Variants in RNLS observed in about 807,000 individuals in gnomAD.
RNLS encodes renalase, FAD dependent amine oxidase.
Under a neutral mutation model 39.8 loss-of-function variants are expected in RNLS, and 39 were observed. That is an observed-to-expected ratio of 0.98 (90% CI 0.76 to 1.28). The LOEUF is 1.28. Among genes scored for constraint, RNLS ranks in the 50% most tolerant of loss-of-function variants. The pLI is 0.00. For synonymous variants in RNLS, 147 were observed against 150.7 expected, an observed-to-expected ratio of 0.98 and a Z score of 0.18; for missense variants, 410 against 413.3, an observed-to-expected ratio of 0.99 and a Z score of 0.07.
chr10:88,396,887 G>T (rs1852596012), intron 4 of RNLS, among the ~76,000 whole-genome samples: 1 of 151,680 alleles, frequency 6.6e-6, no homozygotes, highest in Non-Finnish European at 1.5e-5. Context: ...CTAGAGACAA[G>T]ATTATTTTAT....
At chr10:88,274,962 C>A in exon 7 of RNLS, 1 of 1,611,816 alleles carries the variant, frequency 6.2e-7, no homozygotes, top group South Asian at 1.1e-5. Context: ...TCCAGGAAGT[C>A]AGATGGGAAA....
At chr10:88,256,083 T>G in the RNLS span, among the ~76,000 whole-genome samples, 1 of 152,202 alleles carries the variant, frequency 6.6e-6, no homozygotes, top group South Asian at 2.1e-4. Flanking sequence ...GGAATATTTT[T>G]AAATTCCAGG....
intron 4 of RNLS, among the ~76,000 whole-genome samples, chr10:88,568,318 T>C (rs1408315267): frequency 6.6e-6 from 1 of 151,642 alleles, no homozygotes; most frequent in East Asian, 1.9e-4. Flanking sequence ...GGGATGGGGA[T>C]GGAGGGATGG....
intron 4 of RNLS, among the ~76,000 whole-genome samples, chr10:88,435,072 T>G (rs1855385524): frequency 6.6e-6 from 1 of 151,952 alleles, no homozygotes; most frequent in Non-Finnish European, 1.5e-5. Context: ...AAATGTGCTG[T>G]GTACTTAGTG....
the RNLS span, among the ~76,000 whole-genome samples, chr10:88,192,337 C>A: frequency 6.6e-6 from 1 of 152,130 alleles, no homozygotes; most frequent in East Asian, 1.9e-4. Context: ...GCACCTGGCA[C>A]ATGGGAAGTG....
intron 4 of RNLS, among the ~76,000 whole-genome samples, chr10:88,442,298 T>A (rs1841758655): frequency 6.6e-6 from 1 of 152,202 alleles, no homozygotes; most frequent in Non-Finnish European, 1.5e-5. Context: ...ATACCAAAAC[T>A]TCATTCACTT....
At chr10:88,368,482 TAA>T (rs1850290518) in intron 4 of RNLS, among the ~76,000 whole-genome samples, 1 of 152,104 alleles carries the variant, frequency 6.6e-6, no homozygotes, top group African/African-American at 2.4e-5. Context: ...AGGGAAAATG[TAA>T]AAATATCACC....
intron 6 of RNLS, among the ~76,000 whole-genome samples, chr10:88,311,244 C>T (rs1845358995): frequency 6.6e-6 from 1 of 152,122 alleles, no homozygotes; most frequent in South Asian, 2.1e-4. Context: ...AAATAATGGT[C>T]AGAGTATTAC....
intron 4 of RNLS, among the ~76,000 whole-genome samples, chr10:88,409,806 A>G (rs948857805): frequency 6.6e-5 from 10 of 152,160 alleles, no homozygotes; most frequent in Middle Eastern, 3.2e-3. Context: ...TTTTTAAGAG[A>G]AATTGCCTTT....
At chr10:88,506,338 A>G (rs1845790972) in intron 4 of RNLS, among the ~76,000 whole-genome samples, 1 of 152,100 alleles carries the variant, frequency 6.6e-6, no homozygotes, top group Non-Finnish European at 1.5e-5. Context: ...GGCAACTGAG[A>G]AAACTGAAAT....
At chr10:88,177,160 A>C in the RNLS span, among the ~76,000 whole-genome samples, 1 of 152,094 alleles carries the variant, frequency 6.6e-6, no homozygotes, top group African/African-American at 2.4e-5. Flanking sequence ...CTATTATTTT[A>C]TTAGTTATTT....
At chr10:88,494,988 T>C (rs2134081013) in intron 4 of RNLS, among the ~76,000 whole-genome samples, 1 of 152,274 alleles carries the variant, frequency 6.6e-6, no homozygotes, top group Non-Finnish European at 1.5e-5. Context: ...CCCAAATTTT[T>C]ACAGGTTTGA....
chr10:88,416,938 A>T (rs939335324), intron 4 of RNLS, among the ~76,000 whole-genome samples: 14 of 152,222 alleles, frequency 9.2e-5, no homozygotes, highest in Admixed American at 7.2e-4. Flanking sequence ...ATCAAATCTT[A>T]AAAAAGTTTA....
the RNLS span, among the ~76,000 whole-genome samples, chr10:88,240,327 G>C: frequency 6.6e-6 from 1 of 152,000 alleles, no homozygotes. Flanking sequence ...CGCAGTACTA[G>C]CTTGGGCTTT....
At chr10:88,511,093 G>A (rs1011755173) in intron 4 of RNLS, among the ~76,000 whole-genome samples, 7 of 151,158 alleles carry the variant, frequency 4.6e-5, no homozygotes, top group Admixed American at 3.3e-4. Context: ...GGATTAAGAC[G>A]AGGGAGAAAT....
chr10:88,419,674 C>T (rs1489108598), intron 4 of RNLS, among the ~76,000 whole-genome samples: 1 of 152,054 alleles, frequency 6.6e-6, no homozygotes, highest in Non-Finnish European at 1.5e-5. Flanking sequence ...GTGCTTTCTT[C>T]CTCATGATTC....
intron 4 of RNLS, among the ~76,000 whole-genome samples, chr10:88,554,233 T>G (rs1848741531): frequency 6.6e-6 from 1 of 152,086 alleles, no homozygotes; most frequent in Non-Finnish European, 1.5e-5. Flanking sequence ...AGTCCTTAAT[T>G]TTAACATTTG....
downstream of RNLS, among the ~76,000 whole-genome samples, chr10:88,270,272 G>A (rs1842614319): frequency 6.6e-6 from 1 of 152,128 alleles, no homozygotes; most frequent in African/African-American, 2.4e-5. Context: ...CTCCTAGTGC[G>A]GTCAAGTGCA....
chr10:88,478,863 A>ATTTC (rs920623388), intron 4 of RNLS, among the ~76,000 whole-genome samples: 4 of 146,050 alleles, frequency 2.7e-5, no homozygotes, highest in South Asian at 2.2e-4. Flanking sequence ...TCTTTCTTTC[A>ATTTC]TTTCTTTCTT....
Sources: gnomAD v4.1 joint callset for allele counts (sites outside exome capture counted in the v4.1 genomes callset) on GRCh38, gnomAD v4.1.1 for gene constraint, MANE v1.5 for transcripts, NCBI Gene and HGNC (gene_info 2026-07-23, HGNC 2026-07-21) for gene names.